The following AOAH variants were observed in gnomAD, a reference collection of about 807,000 sequenced individuals.
AOAH encodes acyloxyacyl hydrolase, also known as acyloxyacyl hydrolase (neutrophil).
AOAH carries 64 observed loss-of-function variants against 92.2 expected under a neutral mutation model. The observed-to-expected ratio is 0.69, with a 90% CI of 0.57 to 0.86. The LOEUF is 0.86. Among genes scored for constraint, AOAH ranks in the 40% least tolerant of loss-of-function variants. The pLI, the probability that AOAH is intolerant of heterozygous loss-of-function variation, is 0.00. For missense variants in AOAH, 656 were observed against 694.6 expected (o/e 0.94, Z 0.62); for synonymous variants, 263 against 254.5 (o/e 1.03, Z -0.32).
intron 1 of AOAH, among the ~76,000 whole-genome samples, chr7:36,722,064 G>A (rs1025057672): frequency 5.3e-5 from 8 of 152,150 alleles, no homozygotes; most frequent in Non-Finnish European, 7.4e-5. Context: ...ATATGTGAGT[G>A]AAGCTGTTTT....
At chr7:36,701,257 T>C (rs1369149397) in intron 1 of AOAH, among the ~76,000 whole-genome samples, 1 of 151,932 alleles carries the variant, frequency 6.6e-6, no homozygotes, top group Non-Finnish European at 1.5e-5. Flanking sequence ...AATACTTTGT[T>C]GTCATTGAAT....
chr7:36,540,398 A>G lies in AOAH; in HGVS notation c.1227T>C (p.Asn409=). 6.2e-7 allele frequency: 1 copy of G among 1,614,138 alleles called. No homozygotes were observed. The highest frequency in any genetic ancestry group is 8.5e-7 in the Non-Finnish European group (1 of 1,179,962). The part of the protein sequence containing the change: ...TLKHLNSHLP[N]GSHVILYGLP... ...AGCCATACAAAATAACATGGCTGCC[A>G]TTGGGCAGGTGGGAATTTAGATGCT... The change falls in exon 16 of 21, where the codon AAT becomes AAC. Residue 409 remains asparagine (N), a synonymous_variant. Coordinates refer to ENST00000617537, the MANE Select transcript of AOAH (RefSeq NM_001637.4).
At chr7:36,708,597 T>C (rs1401330518) in intron 1 of AOAH, among the ~76,000 whole-genome samples, 1 of 152,176 alleles carries the variant, frequency 6.6e-6, no homozygotes, top group East Asian at 1.9e-4. Flanking sequence ...ATTTTCTGTT[T>C]CTTTACATGT....
intron 5 of AOAH, among the ~76,000 whole-genome samples, chr7:36,635,662 G>A (rs1252310256): frequency 6.6e-6 from 1 of 152,098 alleles, no homozygotes; most frequent in Non-Finnish European, 1.5e-5. Context: ...TGACGTAAAT[G>A]GTGCTCCCCA....
intron 1 of AOAH, among the ~76,000 whole-genome samples, chr7:36,708,067 A>C (rs1584165876): frequency 6.6e-6 from 1 of 152,080 alleles, no homozygotes; most frequent in Non-Finnish European, 1.5e-5. Context: ...TGTTGGGATT[A>C]CAGGTGTGAG....
At chr7:36,630,654 C>T (rs184392848) in intron 6 of AOAH, among the ~76,000 whole-genome samples, 91 of 152,154 alleles carry the variant, frequency 6.0e-4, no homozygotes, top group African/African-American at 2.1e-3. Context: ...GATTTTAAAA[C>T]GTTTCAAGAT....
At chr7:36,702,815 G>T (rs1049533706) in intron 1 of AOAH, among the ~76,000 whole-genome samples, 2 of 152,100 alleles carry the variant, frequency 1.3e-5, no homozygotes, top group Non-Finnish European at 2.9e-5. Flanking sequence ...CTTAAAATAA[G>T]ACAACGAAGT....
chr7:36,572,674 T>C (rs1217537456), intron 13 of AOAH, among the ~76,000 whole-genome samples: 1 of 152,204 alleles, frequency 6.6e-6, no homozygotes, highest in East Asian at 1.9e-4. Flanking sequence ...GTGTTTCTCA[T>C]TCAGTCTTCA....
intron 6 of AOAH, among the ~76,000 whole-genome samples, chr7:36,627,583 C>T (rs2251949): frequency 0.18 from 27,489 of 151,662 alleles, 2,696 homozygotes; most frequent in African/African-American, 0.25. Flanking sequence ...GCTCTTACTT[C>T]ATGTGCAATG....
intron 2 of AOAH, among the ~76,000 whole-genome samples, chr7:36,680,731 A>T (rs1288275530): frequency 1.3e-5 from 2 of 152,208 alleles, no homozygotes; most frequent in Non-Finnish European, 2.9e-5. Context: ...TTTCAGCTGG[A>T]GGTAAAACAA....
At chr7:36,715,152 G>A (rs997838669) in intron 1 of AOAH, among the ~76,000 whole-genome samples, 1 of 152,102 alleles carries the variant, frequency 6.6e-6, no homozygotes, top group African/African-American at 2.4e-5. Flanking sequence ...AAATCAATGT[G>A]CAAAAATCAC....
chr7:36,658,277 A>G (rs952116856), intron 4 of AOAH, among the ~76,000 whole-genome samples: 1 of 152,188 alleles, frequency 6.6e-6, no homozygotes, highest in Non-Finnish European at 1.5e-5. Context: ...TTAGGCCACA[A>G]AGCACTAAAA....
In AOAH at chr7:36,719,210, A is replaced by G. The variant is rs186725289; in HGVS notation, c.127+4812T>C. On this transcript the variant is annotated intron_variant, in intron 1 of 20. Transcript: ENST00000617537. ...TTGGAAGATGGCTTATCATACAGTCAGTGTCCAATAAATGTTGGCAATTAT... is the reference window on the plus strand; with the variant it reads ...TTGGAAGATGGCTTATCATACAGTCGGTGTCCAATAAATGTTGGCAATTAT... 2.6e-5 allele frequency among the ~76,000 whole-genome samples: 4 copies of G among 152,342 alleles called. No individual in the cohort carries two copies. The East Asian group carries it at 7.7e-4, about 29-fold the overall frequency.
chr7:36,549,341 T>G (rs572351259), intron 14 of AOAH, 98 bp downstream of exon 14: 2 of 916,874 alleles, frequency 2.2e-6, no homozygotes, highest in African/African-American at 3.3e-5. Flanking sequence ...ACAAGCTATT[T>G]ATGCTCAGTA....
At chr7:36,560,559 T>A (rs928029531) in intron 13 of AOAH, among the ~76,000 whole-genome samples, 17 of 152,236 alleles carry the variant, frequency 1.1e-4, no homozygotes, top group African/African-American at 3.9e-4. Flanking sequence ...ATAGACATTT[T>A]ACTGATTTTT....
intron 20 of AOAH, among the ~76,000 whole-genome samples, chr7:36,521,229 A>G (rs895067988): frequency 6.6e-6 from 1 of 152,188 alleles, no homozygotes; most frequent in Non-Finnish European, 1.5e-5. Flanking sequence ...CTGGAGCAGA[A>G]AGGCTCTAGT....
intron 20 of AOAH, among the ~76,000 whole-genome samples, chr7:36,513,721 G>T (rs1394785347): frequency 6.6e-6 from 1 of 152,206 alleles, no homozygotes; most frequent in African/African-American, 2.4e-5. Context: ...CCTCAGTCCT[G>T]CAGTCTCAAC....
chr7:36,561,324 G>A (rs1290528069), intron 13 of AOAH, among the ~76,000 whole-genome samples: 1 of 152,156 alleles, frequency 6.6e-6, no homozygotes, highest in Non-Finnish European at 1.5e-5. Context: ...TTACAGGCAT[G>A]AGCCACCATG....
At chr7:36,557,209 ATCTGTAAAGGATT>A (rs1164262914) in intron 13 of AOAH, among the ~76,000 whole-genome samples, 1 of 152,016 alleles carries the variant, frequency 6.6e-6, no homozygotes, top group Non-Finnish European at 1.5e-5. Context: ...GCATTTGCTT[ATCTGTAAAGGATT>A]TTATTTCTCC....
Sources: gnomAD v4.1 joint callset for allele counts (sites outside exome capture counted in the v4.1 genomes callset) on GRCh38, gnomAD v4.1.1 for gene constraint, MANE v1.5 for transcripts, NCBI Gene and HGNC (gene_info 2026-07-23, HGNC 2026-07-21) for gene names.